NAA11: variants seen among roughly 807,000 people sequenced by gnomAD.
NAA11 encodes the protein N-alpha-acetyltransferase 11, NatA catalytic subunit, also known as N-alpha-acetyltransferase 11.
In NAA11, 15 loss-of-function variants were observed where a neutral mutation model predicts 16.1. The ratio of observed to expected loss-of-function variants is 0.93; its 90% CI spans 0.62 to 1.44. The LOEUF is 1.44. NAA11 is among the 40% of genes most tolerant of loss of function. The probability of loss-of-function intolerance (pLI) is 0.00; values close to 1 mark genes in which losing one functional copy is unlikely to be tolerated. For missense variants in NAA11, 298 were observed against 291.3 expected, an observed-to-expected ratio of 1.02 and a Z score of -0.17; for synonymous variants, 122 against 112.4, an observed-to-expected ratio of 1.09 and a Z score of -0.54.
chr4:79,307,130 A>T (rs1198735472), intron 1 of NAA11: 1 of 152,220 alleles, frequency 6.6e-6, no homozygotes, highest in Admixed American at 6.5e-5. Context: ...CGGTCACAGT[A>T]TTTATCTATA....
intron 2 of NAA11, among the ~76,000 whole-genome samples, chr4:79,232,805 A>G (rs1214096159): frequency 6.6e-6 from 1 of 151,872 alleles, no homozygotes; most frequent in East Asian, 1.9e-4. Flanking sequence ...AGAACAGTCA[A>G]CTCTAGATTG....
chr4:79,167,511 A>G, the NAA11 span, among the ~76,000 whole-genome samples: 26 of 152,004 alleles, frequency 1.7e-4, no homozygotes, highest in African/African-American at 2.4e-4. Flanking sequence ...GGATTAAATG[A>G]GATGATGTTT....
chr4:79,248,673 C>A (rs1050521797), intron 2 of NAA11, among the ~76,000 whole-genome samples: 2 of 152,216 alleles, frequency 1.3e-5, no homozygotes, highest in African/African-American at 4.8e-5. Flanking sequence ...CCATTGCCAC[C>A]AGCATGAACA....
chr4:79,156,146 C>T, the NAA11 span, among the ~76,000 whole-genome samples: 11 of 152,056 alleles, frequency 7.2e-5, no homozygotes, highest in Non-Finnish European at 1.6e-4. Context: ...GTAAGACCTA[C>T]ATATGTATAT....
chr4:79,169,714 G>A, the NAA11 span, among the ~76,000 whole-genome samples: 1 of 152,082 alleles, frequency 6.6e-6, no homozygotes, highest in African/African-American at 2.4e-5. Context: ...AACACCAATA[G>A]CAATGGCAAC....
chr4:79,224,360 G>A (rs1157239149), downstream of NAA11, among the ~76,000 whole-genome samples: 1 of 152,122 alleles, frequency 6.6e-6, no homozygotes, highest in Non-Finnish European at 1.5e-5. Flanking sequence ...TGTTCATGTT[G>A]CTGCTTCAAT....
chr4:79,321,727 C>T (rs1724093354), intron 1 of NAA11, among the ~76,000 whole-genome samples: 1 of 152,086 alleles, frequency 6.6e-6, no homozygotes, highest in African/African-American at 2.4e-5. Context: ...CTTAAGGTAT[C>T]TTAAATATCA....
intron 2 of NAA11, among the ~76,000 whole-genome samples, chr4:79,265,708 T>C (rs1722330074): frequency 6.6e-6 from 1 of 152,134 alleles, no homozygotes; most frequent in African/African-American, 2.4e-5. Context: ...ATGACCAAGT[T>C]TTATGAAATA....
the NAA11 span, among the ~76,000 whole-genome samples, chr4:79,199,994 T>G: frequency 1.3e-4 from 20 of 151,990 alleles, no homozygotes; most frequent in African/African-American, 4.8e-4. Flanking sequence ...TGCTGGTGCT[T>G]AATTCATAGC....
the NAA11 span, among the ~76,000 whole-genome samples, chr4:79,179,486 A>G: frequency 6.6e-6 from 1 of 152,244 alleles, no homozygotes; most frequent in Non-Finnish European, 1.5e-5. Flanking sequence ...TTCAAAGATA[A>G]TCTATAAATA....
chr4:79,163,037 A>G, the NAA11 span, among the ~76,000 whole-genome samples: 1 of 152,246 alleles, frequency 6.6e-6, no homozygotes, highest in South Asian at 2.1e-4. Flanking sequence ...AGAGTAATGC[A>G]GCTAATATAA....
chr4:79,161,678 G>GTT, the NAA11 span, among the ~76,000 whole-genome samples: 69 of 143,084 alleles, frequency 4.8e-4, no homozygotes, highest in African/African-American at 1.3e-3. Flanking sequence ...CTTTTACTTA[G>GTT]TTTTTTTTTT....
At chr4:79,234,026 A>G (rs147812197) in intron 2 of NAA11, among the ~76,000 whole-genome samples, 149 of 152,232 alleles carry the variant, frequency 9.8e-4, no homozygotes, top group African/African-American at 3.4e-3. Context: ...AGAAGAACAC[A>G]GAGCTGAGAA....
At chr4:79,245,856 G>C (rs76249702) in intron 2 of NAA11, among the ~76,000 whole-genome samples, 3 of 152,182 alleles carry the variant, frequency 2.0e-5, no homozygotes, top group Non-Finnish European at 2.9e-5. Context: ...CCCTCTGCCC[G>C]GCGGCCACCC....
chr4:79,285,110 C>T (rs909470373), intron 2 of NAA11, among the ~76,000 whole-genome samples: 12 of 152,036 alleles, frequency 7.9e-5, no homozygotes, highest in Non-Finnish European at 1.3e-4. Flanking sequence ...GTTGCTTTTA[C>T]GCTAACACCT....
At position 79,317,303 on chromosome 4, in the gene NAA11, C is replaced by G. The variant is rs1455094065; in HGVS notation, c.*501G>C. 1.3e-5 allele frequency: 2 copies of G among 152,172 alleles called. No homozygotes were observed. Among genetic ancestry groups the G allele is most frequent in the Non-Finnish European group, 2.9e-5 (2 of 68,056 alleles). 9.4% of individuals were successfully genotyped at this position (152,172 alleles called of 1,614,324 possible). On this transcript the variant is annotated 3_prime_UTR_variant, in exon 2 of 2. Coordinates refer to ENST00000286794, the MANE Select transcript of NAA11 (RefSeq NM_032693.3). ...AGAGAAAGGAAAAGGAAACTGAATA[C>G]TTCTTCCAGGAAAGAGGAGGAAGAG...
rs750332281 is a variant in NAA11 at position 79,325,501 on chromosome 4, A to C, written c.377T>G (p.Leu126Arg). ...TTCCACCTCACTAATCTGAAAGTTG[A>C]GGGTGTTAGAATAAAGGTGCAAGGC... is the stretch of plus-strand genomic sequence containing the variant. ...RPALHLYSNT[L>R]NFQISEVEPK... Residue 126 changes from leucine (L) to arginine (R), a missense_variant, in exon 1 of 2, where the codon CTC (leucine) becomes CGC (arginine). By Grantham distance (102) the Leu-to-Arg change is moderately radical. Transcript: ENST00000286794. 3.1e-6 allele frequency: 5 copies of C among 1,614,048 alleles called. No homozygotes were observed. In the African/African-American group the frequency reaches 6.7e-5, roughly 22 times the overall value.
intron 2 of NAA11, among the ~76,000 whole-genome samples, chr4:79,287,734 T>C (rs1722975165): frequency 6.6e-6 from 1 of 151,866 alleles, no homozygotes; most frequent in Non-Finnish European, 1.5e-5. Flanking sequence ...GAATTCAGGA[T>C]TAAAACTGCT....
chr4:79,270,180 G>A (rs1222406835), intron 2 of NAA11, among the ~76,000 whole-genome samples: 5 of 150,702 alleles, frequency 3.3e-5, no homozygotes, highest in South Asian at 2.1e-4. Flanking sequence ...TTGACTTGGC[G>A]ATGCGGGCTC....
Sources: allele counts gnomAD v4.1 joint callset (sites outside exome capture counted in the v4.1 genomes callset), GRCh38; gene constraint gnomAD v4.1.1; transcripts MANE v1.5; gene names NCBI Gene and HGNC (gene_info 2026-07-23, HGNC 2026-07-21).